BLOC1S2: variants seen among roughly 807,000 people sequenced by gnomAD.
BLOC1S2 encodes the protein biogenesis of lysosomal organelles complex 1 subunit 2.
BLOC1S2 carries 12 observed loss-of-function variants against 19.6 expected under a neutral mutation model. That is an observed-to-expected ratio of 0.61 (90% CI 0.39 to 0.99). The LOEUF (loss-of-function observed/expected upper bound fraction) is 0.99. Ranked by LOEUF, BLOC1S2 falls within the 50% of genes least tolerant of loss-of-function variation. BLOC1S2 has a pLI of 0.00. For missense variants in BLOC1S2, 142 were observed against 171.0 expected (o/e 0.83, Z 0.95); for synonymous variants, 66 against 64.1 (o/e 1.03, Z -0.14).
intron 4 of BLOC1S2, among the ~76,000 whole-genome samples, chr10:100,277,809 A>G: frequency 1.6e-5 from 2 of 127,302 alleles, no homozygotes; most frequent in Admixed American, 7.5e-5. Context: ...CTGCCCGGCC[A>G]GCCGCCCCGT....
At chr10:100,277,898 C>T (rs1450894497) in intron 4 of BLOC1S2, among the ~76,000 whole-genome samples, 2 of 112,910 alleles carry the variant, frequency 1.8e-5, no homozygotes, top group Non-Finnish European at 3.8e-5. Context: ...GTCAGCCCCC[C>T]GCCTGGCCAG....
At chr10:100,277,312 A>AC (rs1362313626) in intron 4 of BLOC1S2, among the ~76,000 whole-genome samples, 1 of 147,680 alleles carries the variant, frequency 6.8e-6, no homozygotes, top group African/African-American at 2.5e-5. Context: ...CCCGGCAGCC[A>AC]CCCCGGCCGG....
In BLOC1S2 at chr10:100,286,652, G is replaced by T; in HGVS notation, c.8C>A (p.Ala3Glu). ...GGTCGCCAGTACGCCCTCGGCTGCC[G>T]CCGCCATAGCGGACCCCGCGCTGTT... is the stretch of plus-strand genomic sequence containing the variant. Reference protein sequence around the residue: MAAAAEGVLATRS... With the variant: MAEAAEGVLATRS... The change falls in exon 1 of 5, where the codon GCG becomes GAG. Residue 3 changes from alanine to glutamate, a missense_variant. Physicochemically the swap from Ala to Glu is moderately radical, Grantham distance 107. Transcript: ENST00000370372. 1 of 1,610,084 alleles carries T rather than the reference G, an allele frequency of 6.2e-7. No homozygotes were observed.
intron 1 of BLOC1S2, 88 bp from the exon 2 acceptor site, chr10:100,286,301 C>T (rs746881044): frequency 3.5e-5 from 54 of 1,528,156 alleles, no homozygotes; most frequent in Non-Finnish European, 4.7e-5. Context: ...CTCCACTTGC[C>T]TTCATTCCAT....
chr10:100,278,619 A>G (rs1848012220), intron 4 of BLOC1S2, among the ~76,000 whole-genome samples: 3 of 152,320 alleles, frequency 2.0e-5, no homozygotes, highest in South Asian at 4.1e-4. Flanking sequence ...TTTGTTAAAC[A>G]GATGCTTGAA....
intron 3 of BLOC1S2, 35 bp from the exon 4 acceptor site, chr10:100,280,263 G>T: frequency 1.3e-6 from 2 of 1,530,686 alleles, no homozygotes; most frequent in Non-Finnish European, 9.0e-7. Flanking sequence ...TGTTTATATG[G>T]CTTTATTAAC....
chr10:100,275,504 T>G lies in BLOC1S2; in HGVS notation c.398-11A>C. 1 of 1,604,964 alleles carries G rather than the reference T, an allele frequency of 6.2e-7. No homozygotes were observed. The highest frequency in any genetic ancestry group is 1.1e-5 in the South Asian group (1 of 89,428). ...TCTTGTACTTGGCTTCTGTGAGGGA[T>G]GAGGGAGAGTTACATCTTTTAAAAC... is the stretch of plus-strand genomic sequence containing the variant. On this transcript the variant is annotated splice_polypyrimidine_tract_variant and intron_variant, in intron 4 of 4. Transcript: ENST00000370372.
chr10:100,278,038 G>A (rs11190452), intron 4 of BLOC1S2, among the ~76,000 whole-genome samples: 10,185 of 108,960 alleles, frequency 0.093, 1,782 homozygotes, highest in African/African-American at 0.33. Flanking sequence ...CCGGCCAGCC[G>A]CCCCGTCCGG....
chr10:100,277,817 C>G (rs1589647969), intron 4 of BLOC1S2, among the ~76,000 whole-genome samples: 2 of 127,562 alleles, frequency 1.6e-5, no homozygotes, highest in Non-Finnish European at 3.4e-5. Context: ...CCAGCCGCCC[C>G]GTCCGGGAGG....
At chr10:100,286,460 G>A in intron 1 of BLOC1S2, 145 bp downstream of exon 1, 2 of 1,486,162 alleles carry the variant, frequency 1.3e-6, no homozygotes, top group Non-Finnish European at 1.8e-6. Flanking sequence ...CACCCTGACA[G>A]GACAAACACT....
chr10:100,277,367 C>T (rs1173592952), intron 4 of BLOC1S2, among the ~76,000 whole-genome samples: 2,671 of 125,442 alleles, frequency 0.021, no homozygotes, highest in Non-Finnish European at 0.032. Context: ...CCGCCCCGTC[C>T]GGGAGGTGAG....
At position 100,279,886 on chromosome 10, in the gene BLOC1S2, A is replaced by C. The variant is rs149080218; in HGVS notation, c.397+238T>G. ...ACAAGAGTGAAACTTGTCTCAAAAA[A>C]AACAAACCAAAAACAAAAACCAAAC... On this transcript the variant is annotated intron_variant, in intron 4 of 4. Coordinates refer to ENST00000370372, the MANE Select transcript of BLOC1S2 (RefSeq NM_173809.5). Among the ~76,000 whole-genome samples, 1,006 of 152,336 alleles carry C rather than the reference A, an allele frequency of 6.6e-3. 56 individuals are homozygous for C. The highest frequency in any genetic ancestry group is 0.062 in the Admixed American group (952 of 15,298).
At chr10:100,286,242 C>T (rs1848233448) in intron 1 of BLOC1S2, 29 bp from the exon 2 acceptor site, 7 of 1,608,208 alleles carry the variant, frequency 4.4e-6, no homozygotes, top group Admixed American at 1.7e-5. Context: ...ACTAAGTGTC[C>T]CGCCTACACC....
At position 100,273,545 on chromosome 10, in the gene BLOC1S2, A is replaced by T. The variant is rs987449185; in HGVS notation, c.*1917T>A. Reference sequence around the variant, plus strand: ...GGAAATAAAAACTTTTTAAAAATAGATCAACATGGCTGGGTGCGGTGGCTC... The same window carrying T: ...GGAAATAAAAACTTTTTAAAAATAGTTCAACATGGCTGGGTGCGGTGGCTC... On this transcript the variant is annotated 3_prime_UTR_variant, in exon 5 of 5. Transcript: ENST00000370372. 4.6e-5 allele frequency: 7 copies of T among 152,222 alleles called. No individual in the cohort carries two copies. Among genetic ancestry groups the T allele is most frequent in the Non-Finnish European group, 2.9e-5 (2 of 68,042 alleles). 9.4% of individuals were successfully genotyped at this position (152,222 alleles called of 1,614,324 possible). A position where few individuals can be genotyped will look rare whatever the true frequency, so the allele number is the denominator to read the frequency against.
Position 100,273,868 on chromosome 10 carries a change from CGGAAAA to C in BLOC1S2, c.*1588_*1593del, listed in dbSNP as rs2134343972. On this transcript the variant is annotated 3_prime_UTR_variant, in exon 5 of 5. Coordinates refer to ENST00000370372, the MANE Select transcript of BLOC1S2 (RefSeq NM_173809.5). ...AAAAAAAAATAGATCAATACATGCA[CGGAAAA>C]GGAAAAGGGTTGGAAGAAGGGGTAA... The C allele has an allele frequency of 6.6e-6, 1 of 150,986 alleles. No individual in the cohort carries two copies. Among genetic ancestry groups the C allele is most frequent in the African/African-American group, 2.4e-5 (1 of 41,032 alleles). 9.4% of individuals were successfully genotyped at this position (150,986 alleles called of 1,614,324 possible).
intron 4 of BLOC1S2, among the ~76,000 whole-genome samples, chr10:100,278,639 C>A (rs1331162064): frequency 1.3e-5 from 2 of 152,236 alleles, no homozygotes; most frequent in Non-Finnish European, 2.9e-5. Context: ...AGGCAGCATG[C>A]TCGTTAAGAG....
In BLOC1S2 at chr10:100,273,835, CAAA is replaced by C. The variant is rs71828385; in HGVS notation, c.*1624_*1626del. On this transcript the variant is annotated 3_prime_UTR_variant, in exon 5 of 5. Coordinates refer to ENST00000370372, the MANE Select transcript of BLOC1S2 (RefSeq NM_173809.5). ...CAGGCGACAGAGCAAGACTTCATCT[CAAA>C]AAAAAAAAAAAAATAGATCAATACA... is the stretch of plus-strand genomic sequence containing the variant. 2 of 93,690 alleles carry C rather than the reference CAAA, an allele frequency of 2.1e-5. No homozygotes were observed. The highest frequency in any genetic ancestry group is 3.8e-5 in the African/African-American group (1 of 26,226). The allele number at this position is 93,690 out of a possible 1,614,324, so 5.8% of individuals were successfully genotyped here. A position where few individuals can be genotyped will look rare whatever the true frequency, so the allele number is the denominator to read the frequency against.
chr10:100,284,562 G>A (rs1848187617), intron 2 of BLOC1S2, among the ~76,000 whole-genome samples: 1 of 152,114 alleles, frequency 6.6e-6, no homozygotes, highest in Admixed American at 6.6e-5. Context: ...CACGATCACA[G>A]CTCACTATAA....
In BLOC1S2 at chr10:100,286,636, T is replaced by G. The variant is rs753958257; in HGVS notation, c.24A>C (p.Val8=). ...CGGGCTCATCACTCCGGGTCGCCAG[T>G]ACGCCCTCGGCTGCCGCCGCCATAG... MAAAAEG[V]LATRSDEPAR... The change falls in exon 1 of 5, where the codon GTA becomes GTC. Residue 8 remains valine, a synonymous_variant. Coordinates refer to ENST00000370372, the MANE Select transcript of BLOC1S2 (RefSeq NM_173809.5). The G allele has an allele frequency of 2.8e-5, 45 of 1,611,206 alleles. 1 individual carries two copies. The highest frequency in any genetic ancestry group is 1.7e-6 in the Non-Finnish European group (2 of 1,178,784).
Sources: gnomAD v4.1 joint callset for allele counts (sites outside exome capture counted in the v4.1 genomes callset) on GRCh38, gnomAD v4.1.1 for gene constraint, MANE v1.5 for transcripts, NCBI Gene and HGNC (gene_info 2026-07-23, HGNC 2026-07-21) for gene names.